PTPRD: variants seen among roughly 807,000 people sequenced by gnomAD.
PTPRD encodes receptor-type tyrosine-protein phosphatase delta.
PTPRD carries 34 observed loss-of-function variants against 214.5 expected under a neutral mutation model. The observed-to-expected ratio is 0.16, with a 90% confidence interval of 0.12 to 0.21. The LOEUF is 0.21. Among genes scored for constraint, PTPRD ranks in the 10% least tolerant of loss-of-function variants. The pLI, the probability that PTPRD is intolerant of heterozygous loss-of-function variation, is 1.00. For synonymous variants in PTPRD, 1,128 were observed against 845.7 expected (o/e 1.33, Z -5.79); for missense variants, 2,545 against 2,398.7 (o/e 1.06, Z -1.27).
intron 3 of PTPRD, among the ~76,000 whole-genome samples, chr9:10,081,352 C>A (rs184273540): frequency 6.6e-6 from 1 of 152,176 alleles, no homozygotes; most frequent in East Asian, 1.9e-4. Flanking sequence ...ATGGGGGTTA[C>A]AATTGGACTG....
At chr9:9,607,403 T>A (rs1243098176) in intron 7 of PTPRD, among the ~76,000 whole-genome samples, 1 of 152,136 alleles carries the variant, frequency 6.6e-6, no homozygotes, top group African/African-American at 2.4e-5. Flanking sequence ...AACAAATTAA[T>A]TCTCACAACA....
In PTPRD at chr9:8,878,515, C is replaced by T. The variant is rs529840935; in HGVS notation, c.-104+140182G>A. Among the ~76,000 whole-genome samples the T allele has an allele frequency of 2.6e-5, 4 of 151,972 alleles. No individual in the cohort carries two copies. The East Asian group carries it at 7.7e-4, about 29-fold the overall frequency. ...AACAGAAGTGCTCTGATTCTTCTTT[C>T]TTTCTTTTCTTTTTTTTTTGTTTTC... On this transcript the variant is annotated intron_variant, in intron 11 of 45. Coordinates refer to ENST00000381196, the MANE Select transcript of PTPRD (RefSeq NM_002839.4).
chr9:9,987,966 G>GT (rs2095781351), intron 4 of PTPRD, among the ~76,000 whole-genome samples: 1 of 152,022 alleles, frequency 6.6e-6, no homozygotes, highest in Non-Finnish European at 1.5e-5. Flanking sequence ...CATATTTGCC[G>GT]TAACAGCAGT....
At chr9:9,510,667 AC>A (rs1397495369) in intron 8 of PTPRD, among the ~76,000 whole-genome samples, 4 of 151,328 alleles carry the variant, frequency 2.6e-5, no homozygotes, top group Non-Finnish European at 4.4e-5. Flanking sequence ...CTAGAAAAAA[AC>A]ATTTGCCATT....
intron 8 of PTPRD, among the ~76,000 whole-genome samples, chr9:9,418,729 T>C (rs908430457): frequency 7.9e-5 from 12 of 152,052 alleles, no homozygotes; most frequent in Middle Eastern, 3.4e-3. Context: ...TCTATACAAA[T>C]ATGGATTAGA....
intron 4 of PTPRD, among the ~76,000 whole-genome samples, chr9:10,029,599 C>T (rs1469524759): frequency 2.0e-5 from 3 of 152,168 alleles, no homozygotes; most frequent in East Asian, 1.9e-4. Context: ...CCTGTAGCCC[C>T]TTTGTTTTGG....
chr9:8,370,237 CATATATAT>C (rs977579355), intron 39 of PTPRD, among the ~76,000 whole-genome samples: 1 of 44,466 alleles, frequency 2.2e-5, no homozygotes, highest in Non-Finnish European at 1.1e-4. Context: ...CACACACACA[CATATATAT>C]ATATGTGCTG....
At chr9:10,326,149 T>C (rs2096639187) in intron 3 of PTPRD, among the ~76,000 whole-genome samples, 1 of 151,718 alleles carries the variant, frequency 6.6e-6, no homozygotes, top group Non-Finnish European at 1.5e-5. Flanking sequence ...CCATATTTGA[T>C]TGGACAATTT....
chr9:10,202,448 AG>A (rs2099429855), intron 3 of PTPRD, among the ~76,000 whole-genome samples: 1 of 151,090 alleles, frequency 6.6e-6, no homozygotes, highest in African/African-American at 2.4e-5. Context: ...TTGTAAGTAC[AG>A]GGCTGGCATT....
intron 5 of PTPRD, among the ~76,000 whole-genome samples, chr9:9,928,307 C>T (rs1308963347): frequency 1.3e-5 from 2 of 152,088 alleles, no homozygotes; most frequent in Non-Finnish European, 2.9e-5. Context: ...TTTCATACCA[C>T]ATTATTTTGT....
chr9:8,806,234 CTT>C (rs910803871), intron 11 of PTPRD, among the ~76,000 whole-genome samples: 3 of 118,678 alleles, frequency 2.5e-5, no homozygotes, highest in Admixed American at 9.1e-5. Context: ...CCAGCTTACA[CTT>C]TTTTTTTTGG....
At chr9:10,074,309 C>A (rs1055226775) in intron 3 of PTPRD, among the ~76,000 whole-genome samples, 3 of 152,048 alleles carry the variant, frequency 2.0e-5, no homozygotes, top group African/African-American at 7.2e-5. Context: ...ATATCCACAG[C>A]AATGCAAAAT....
chr9:9,865,231 C>A (rs1397788785), intron 5 of PTPRD, among the ~76,000 whole-genome samples: 1 of 152,162 alleles, frequency 6.6e-6, no homozygotes, highest in Non-Finnish European at 1.5e-5. Flanking sequence ...CAGGTTACTG[C>A]TATTGTTTAA....
At chr9:9,127,280 T>C (rs1054728564) in intron 10 of PTPRD, among the ~76,000 whole-genome samples, 127 of 152,234 alleles carry the variant, frequency 8.3e-4, no homozygotes, top group African/African-American at 3.0e-3. Flanking sequence ...GGGAATTGAT[T>C]GCTTTTCTCA....
chr9:10,561,070 G>A (rs184208874), intron 2 of PTPRD, among the ~76,000 whole-genome samples: 83 of 152,228 alleles, frequency 5.5e-4, no homozygotes, highest in Non-Finnish European at 1.0e-3. Flanking sequence ...CTAATTCCAT[G>A]AATATATAAA....
intron 31 of PTPRD, among the ~76,000 whole-genome samples, chr9:8,468,643 ATTC>A (rs2096591564): frequency 1.3e-5 from 2 of 151,910 alleles, no homozygotes; most frequent in South Asian, 4.1e-4. Context: ...TTAGGCCACC[ATTC>A]TATTCAATGA....
chr9:9,537,240 T>G (rs2076711680), intron 8 of PTPRD, among the ~76,000 whole-genome samples: 1 of 151,752 alleles, frequency 6.6e-6, no homozygotes, highest in Non-Finnish European at 1.5e-5. Flanking sequence ...TTCTTTTCAT[T>G]TTTTTTATTT....
At chr9:9,384,843 T>C (rs10977706) in intron 9 of PTPRD, among the ~76,000 whole-genome samples, 41,051 of 151,750 alleles carry the variant, frequency 0.27, 5,728 homozygotes, top group Middle Eastern at 0.38. Flanking sequence ...AAAACACCCT[T>C]ATGGAATGAG....
chr9:9,782,124 T>C (rs2098849664), intron 5 of PTPRD, among the ~76,000 whole-genome samples: 1 of 152,096 alleles, frequency 6.6e-6, no homozygotes, highest in African/African-American at 2.4e-5. Flanking sequence ...TCTCCAGAAG[T>C]ATTCTTTGAC....
Sources: allele counts gnomAD v4.1 joint callset (sites outside exome capture counted in the v4.1 genomes callset), GRCh38; gene constraint gnomAD v4.1.1; transcripts MANE v1.5; gene names NCBI Gene and HGNC (gene_info 2026-07-23, HGNC 2026-07-21).